The following ZCCHC17 variants were observed in gnomAD, a reference collection of about 807,000 sequenced individuals.
ZCCHC17 encodes zinc finger CCHC domain-containing protein 17.
In ZCCHC17, 18 loss-of-function variants were observed where a neutral mutation model predicts 30.6. The ratio of observed to expected loss-of-function variants is 0.59; its 90% CI spans 0.41 to 0.87. ZCCHC17 has a LOEUF of 0.87. Ranked by LOEUF, ZCCHC17 falls within the 40% of genes least tolerant of loss-of-function variation. ZCCHC17 has a pLI of 0.00. For missense variants in ZCCHC17, 263 were observed against 284.2 expected (o/e 0.93, Z 0.54); for synonymous variants, 88 against 92.4 (o/e 0.95, Z 0.27).
chr1:31,353,248 G>C (rs1639531976), intron 7 of ZCCHC17, among the ~76,000 whole-genome samples: 1 of 152,090 alleles, frequency 6.6e-6, no homozygotes, highest in African/African-American at 2.4e-5. Flanking sequence ...TGATATGTAG[G>C]AATTTTTTAT....
At chr1:31,339,656 C>A (rs1049934623) in intron 5 of ZCCHC17, among the ~76,000 whole-genome samples, 1 of 152,152 alleles carries the variant, frequency 6.6e-6, no homozygotes, top group Non-Finnish European at 1.5e-5. Flanking sequence ...CTGTTTCTGC[C>A]CTTTAACGAG....
intron 3 of ZCCHC17, among the ~76,000 whole-genome samples, chr1:31,322,515 A>G (rs1646884172): frequency 6.6e-6 from 1 of 152,194 alleles, no homozygotes; most frequent in Non-Finnish European, 1.5e-5. Flanking sequence ...AAGTGTTCCG[A>G]GTACAAAGCC....
chr1:31,309,048 A>G (rs1211689910), intron 1 of ZCCHC17, among the ~76,000 whole-genome samples: 4 of 152,154 alleles, frequency 2.6e-5, no homozygotes, highest in African/African-American at 9.7e-5. Flanking sequence ...TTATTAATGT[A>G]TTATCTGAAT....
chr1:31,349,677 A>G (rs1179653773), intron 7 of ZCCHC17, among the ~76,000 whole-genome samples: 1 of 152,208 alleles, frequency 6.6e-6, no homozygotes, highest in Non-Finnish European at 1.5e-5. Context: ...ATAGCTACAC[A>G]TACATGTAAA....
chr1:31,343,401 C>A (rs560677025), intron 5 of ZCCHC17, among the ~76,000 whole-genome samples: 1 of 152,148 alleles, frequency 6.6e-6, no homozygotes, highest in Non-Finnish European at 1.5e-5. Flanking sequence ...AGAGGCTTCT[C>A]GTCAGATTAA....
chr1:31,301,427 A>G (rs141784571), intron 1 of ZCCHC17, among the ~76,000 whole-genome samples: 1 of 152,352 alleles, frequency 6.6e-6, no homozygotes, highest in Non-Finnish European at 1.5e-5. Context: ...TGGCAATGAT[A>G]ATTGCCTGTT....
In ZCCHC17 at chr1:31,364,236, G is replaced by A. The variant is rs1377305942; in HGVS notation, c.*43G>A. On this transcript the variant is annotated 3_prime_UTR_variant, in exon 8 of 8. Coordinates refer to ENST00000344147, the MANE Select transcript of ZCCHC17 (RefSeq NM_016505.4). ...GGGGTGGTTGAGAGTAAGAAACCAGGAGCCTTGTGCCTTGAGACTCCTGGA... is the reference window on the plus strand; with the variant it reads ...GGGGTGGTTGAGAGTAAGAAACCAGAAGCCTTGTGCCTTGAGACTCCTGGA... 11 of 1,580,602 alleles carry A rather than the reference G, an allele frequency of 7.0e-6. No individual in the cohort carries two copies. The highest frequency in any genetic ancestry group is 9.4e-6 in the Non-Finnish European group (11 of 1,166,274).
intron 1 of ZCCHC17, among the ~76,000 whole-genome samples, chr1:31,304,279 T>G (rs960220676): frequency 3.3e-5 from 5 of 151,802 alleles, no homozygotes; most frequent in Admixed American, 1.3e-4. Context: ...ACTCTTTTTT[T>G]TTTTTCTTTC....
chr1:31,334,331 CTCTCTCTGTGTGTGTGTGTG>C (rs1638721675), intron 3 of ZCCHC17, among the ~76,000 whole-genome samples: 1 of 61,226 alleles, frequency 1.6e-5, no homozygotes, highest in African/African-American at 6.9e-5. Flanking sequence ...CTCTCTCTCT[CTCTCTCTGTGTGTGTGTGTG>C]TGTGTGTGTG....
intron 7 of ZCCHC17, among the ~76,000 whole-genome samples, chr1:31,362,585 G>A (rs1639951894): frequency 6.6e-6 from 1 of 152,166 alleles, no homozygotes; most frequent in Non-Finnish European, 1.5e-5. Flanking sequence ...TTCTTTATGA[G>A]TATAATCTTG....
chr1:31,359,398 G>A (rs1408612105), intron 7 of ZCCHC17, among the ~76,000 whole-genome samples: 2 of 152,070 alleles, frequency 1.3e-5, no homozygotes, highest in Non-Finnish European at 2.9e-5. Flanking sequence ...GCATGCGCCT[G>A]TAGTCCCAGC....
intron 3 of ZCCHC17, among the ~76,000 whole-genome samples, chr1:31,334,457 A>G (rs1638737355): frequency 6.6e-6 from 1 of 151,638 alleles, no homozygotes; most frequent in African/African-American, 2.4e-5. Context: ...GAGGGCAGTT[A>G]TTTTAGACAG....
At chr1:31,336,031 T>C (rs1432015158) in intron 3 of ZCCHC17, among the ~76,000 whole-genome samples, 1 of 152,168 alleles carries the variant, frequency 6.6e-6, no homozygotes, top group Non-Finnish European at 1.5e-5. Flanking sequence ...CCTCTGTAGG[T>C]AATAATACCG....
At chr1:31,342,648 G>A (rs1328798956) in intron 5 of ZCCHC17, among the ~76,000 whole-genome samples, 1 of 152,150 alleles carries the variant, frequency 6.6e-6, no homozygotes, top group Non-Finnish European at 1.5e-5. Flanking sequence ...GATAGGAGGC[G>A]GAGCTCAGGT....
chr1:31,326,103 G>A (rs1458884478), intron 3 of ZCCHC17, among the ~76,000 whole-genome samples: 1 of 151,988 alleles, frequency 6.6e-6, no homozygotes, highest in Non-Finnish European at 1.5e-5. Context: ...TTTAAAGCAA[G>A]TGTGCATATG....
chr1:31,345,190 T>C (rs772345413), intron 5 of ZCCHC17, among the ~76,000 whole-genome samples: 119 of 152,036 alleles, frequency 7.8e-4, no homozygotes, highest in Non-Finnish European at 1.3e-3. Flanking sequence ...AGAGTCTCGC[T>C]CTGTCGCCCA....
chr1:31,319,723 G>C (rs1308652158), intron 3 of ZCCHC17, among the ~76,000 whole-genome samples: 1 of 152,072 alleles, frequency 6.6e-6, no homozygotes, highest in African/African-American at 2.4e-5. Flanking sequence ...GAGTGATTTG[G>C]CTAGGTAGTG....
chr1:31,338,554 G>A (rs1557446922), intron 4 of ZCCHC17, among the ~76,000 whole-genome samples: 1 of 152,194 alleles, frequency 6.6e-6, no homozygotes. Context: ...ATGTCTTCAT[G>A]CTTAAAGAAG....
intron 6 of ZCCHC17, among the ~76,000 whole-genome samples, chr1:31,347,801 G>A (rs546238266): frequency 2.6e-5 from 4 of 152,116 alleles, no homozygotes; most frequent in East Asian, 1.9e-4. Flanking sequence ...TTGTAGAGAC[G>A]GGGTTTCCCT....
Sources: gnomAD v4.1 joint callset for allele counts (sites outside exome capture counted in the v4.1 genomes callset) on GRCh38, gnomAD v4.1.1 for gene constraint, MANE v1.5 for transcripts, NCBI Gene and HGNC (gene_info 2026-07-23, HGNC 2026-07-21) for gene names.